The following SESN3 variants were observed in gnomAD, a reference collection of about 807,000 sequenced individuals.
SESN3 encodes sestrin-3.
A neutral mutation model predicts 55.3 loss-of-function variants in SESN3; 21 were observed. That is an observed-to-expected ratio of 0.38 (90% confidence interval 0.27 to 0.55). The LOEUF is 0.55. SESN3 is among the 20% of genes least tolerant of loss of function. The pLI is 0.76. For missense variants in SESN3, 408 were observed against 604.3 expected, an observed-to-expected ratio of 0.68 and a Z score of 3.41; for synonymous variants, 181 against 203.1, an observed-to-expected ratio of 0.89 and a Z score of 0.93.
At chr11:95,231,445 G>T, upstream of SESN3, 1 of 290,650 alleles carries the variant, frequency 3.4e-6, no homozygotes, top group Admixed American at 5.2e-5. Flanking sequence ...TAAGTAGTAG[G>T]GTAGCAGGGA....
At chr11:95,211,370 C>G (rs1407227528) in intron 1 of SESN3, among the ~76,000 whole-genome samples, 2 of 152,184 alleles carry the variant, frequency 1.3e-5, no homozygotes, top group African/African-American at 4.8e-5. Context: ...ACCCCCATGA[C>G]CCAAGAGTGG....
chr11:95,229,626 A>G (rs1861013425), intron 1 of SESN3, among the ~76,000 whole-genome samples: 1 of 152,202 alleles, frequency 6.6e-6, no homozygotes, highest in Non-Finnish European at 1.5e-5. Context: ...TTGGACAAAG[A>G]GCGCAAATAT....
intron 1 of SESN3, among the ~76,000 whole-genome samples, chr11:95,214,831 C>T (rs1380631560): frequency 2.0e-5 from 3 of 152,094 alleles, no homozygotes; most frequent in South Asian, 4.1e-4. Context: ...AGTGCCAAAA[C>T]GCTTATTTTT....
At chr11:95,194,056 A>G (rs868673007) in intron 1 of SESN3, among the ~76,000 whole-genome samples, 1 of 152,104 alleles carries the variant, frequency 6.6e-6, no homozygotes, top group African/African-American at 2.4e-5. Context: ...AATGGGGAAC[A>G]TAGTAATTCT....
At chr11:95,192,602 T>C (rs1251525490) in intron 2 of SESN3, among the ~76,000 whole-genome samples, 2 of 152,128 alleles carry the variant, frequency 1.3e-5, no homozygotes, top group African/African-American at 4.8e-5. Flanking sequence ...AACTGTTTAC[T>C]CTTCAGAGCT....
chr11:95,214,101 G>A (rs532244214), intron 1 of SESN3, among the ~76,000 whole-genome samples: 3 of 152,166 alleles, frequency 2.0e-5, no homozygotes, highest in African/African-American at 7.2e-5. Flanking sequence ...ACTGTCCATT[G>A]CCATGGAGAC....
At position 95,224,562 on chromosome 11, in the gene SESN3, T is replaced by C. The variant is rs181909432; in HGVS notation, c.78+6221A>G. The C allele has an allele frequency of 1.3e-3, 483 of 372,462 alleles. 12 individuals carry two copies. The Middle Eastern group carries it at 0.025, about 19-fold the overall frequency. The allele number at this position is 372,462 out of a possible 1,614,324, so 23.1% of individuals were successfully genotyped here. On this transcript the variant is annotated intron_variant, in intron 1 of 9. Coordinates refer to ENST00000536441, the MANE Select transcript of SESN3 (RefSeq NM_144665.4). ...TGAAAAATATTGGCTCAATGAGTTATGTAAATCTTTCAAATACTGACAAAT... is the reference window on the plus strand; with the variant it reads ...TGAAAAATATTGGCTCAATGAGTTACGTAAATCTTTCAAATACTGACAAAT...
intron 6 of SESN3, among the ~76,000 whole-genome samples, chr11:95,181,522 T>C (rs910001415): frequency 5.9e-5 from 9 of 152,132 alleles, no homozygotes; most frequent in Non-Finnish European, 1.3e-4. Context: ...TCAAAAGAAA[T>C]AGTATTTTGT....
At chr11:95,214,108 A>G (rs1462320770) in intron 1 of SESN3, among the ~76,000 whole-genome samples, 1 of 152,154 alleles carries the variant, frequency 6.6e-6, no homozygotes, top group Non-Finnish European at 1.5e-5. Flanking sequence ...ATTGCCATGG[A>G]GACAGTTCTA....
At chr11:95,195,998 G>A (rs1297805999) in intron 1 of SESN3, among the ~76,000 whole-genome samples, 1 of 152,174 alleles carries the variant, frequency 6.6e-6, no homozygotes, top group Non-Finnish European at 1.5e-5. Flanking sequence ...TAATAGTGTT[G>A]AGGGTGATGT....
chr11:95,193,653 T>C, intron 1 of SESN3, 131 bp from the exon 2 acceptor site: 2 of 601,622 alleles, frequency 3.3e-6, no homozygotes, highest in Non-Finnish European at 5.8e-6. Flanking sequence ...AGAGTAAGTG[T>C]TGGGTTTCAG....
chr11:95,202,466 GTTTAT>G (rs1565470427), intron 1 of SESN3, among the ~76,000 whole-genome samples: 2 of 151,840 alleles, frequency 1.3e-5, no homozygotes, highest in African/African-American at 2.4e-5. Flanking sequence ...ATGCCTATTT[GTTTAT>G]TTTCTTAGTT....
At chr11:95,177,589 T>C in intron 8 of SESN3, 130 bp downstream of exon 8, 1 of 595,174 alleles carries the variant, frequency 1.7e-6, no homozygotes. Context: ...ATGAAATTAA[T>C]TTTTAAAATC....
At chr11:95,210,465 A>T (rs1860633818) in intron 1 of SESN3, among the ~76,000 whole-genome samples, 1 of 152,236 alleles carries the variant, frequency 6.6e-6, no homozygotes, top group Non-Finnish European at 1.5e-5. Context: ...CAGCAGAAGG[A>T]TGATCTGAAA....
intron 1 of SESN3, among the ~76,000 whole-genome samples, chr11:95,197,217 TTTC>T (rs1413017475): frequency 1.3e-5 from 2 of 152,112 alleles, no homozygotes; most frequent in African/African-American, 4.8e-5. Context: ...TCTAGGACTT[TTTC>T]TTCTCACATA....
intron 4 of SESN3, among the ~76,000 whole-genome samples, chr11:95,187,870 C>T (rs1039102688): frequency 2.6e-5 from 4 of 151,758 alleles, no homozygotes; most frequent in African/African-American, 9.7e-5. Flanking sequence ...CCTGTATATG[C>T]TCATGTCATG....
chr11:95,216,030 G>A (rs1407843807), intron 1 of SESN3, among the ~76,000 whole-genome samples: 10 of 150,590 alleles, frequency 6.6e-5, no homozygotes, highest in African/African-American at 2.0e-4. Context: ...CTCGGGAGGC[G>A]GAGCTTGCAG....
intron 1 of SESN3, among the ~76,000 whole-genome samples, chr11:95,202,045 G>T (rs1181597639): frequency 6.6e-6 from 1 of 151,764 alleles, no homozygotes; most frequent in African/African-American, 2.4e-5. Flanking sequence ...CTTCTCTCCT[G>T]CCAACTCCCA....
chr11:95,224,332 C>T, intron 1 of SESN3: 1 of 331,280 alleles, frequency 3.0e-6, no homozygotes, highest in Middle Eastern at 6.8e-4. Flanking sequence ...GGATTTTACC[C>T]ATATATGATT....
Sources: gnomAD v4.1 joint callset for allele counts (sites outside exome capture counted in the v4.1 genomes callset) on GRCh38, gnomAD v4.1.1 for gene constraint, MANE v1.5 for transcripts, NCBI Gene and HGNC (gene_info 2026-07-23, HGNC 2026-07-21) for gene names.